The following MED30 variants were observed in gnomAD, a reference collection of about 807,000 sequenced individuals.
MED30 encodes the protein mediator of RNA polymerase II transcription subunit 30.
In MED30, 8 loss-of-function variants were observed where a neutral mutation model predicts 21.7. That is an observed-to-expected ratio of 0.37 (90% CI 0.22 to 0.67). The LOEUF (loss-of-function observed/expected upper bound fraction) is 0.67, where lower values mean the gene tolerates loss of function less well. Ranked by LOEUF, MED30 falls within the 30% of genes least tolerant of loss-of-function variation. MED30 has a pLI of 0.58. For missense variants in MED30, 203 were observed against 228.2 expected (o/e 0.89, Z 0.71); for synonymous variants, 79 against 86.7 (o/e 0.91, Z 0.49).
At chr8:117,531,201 T>G (rs1222473500) in intron 3 of MED30, among the ~76,000 whole-genome samples, 1 of 152,030 alleles carries the variant, frequency 6.6e-6, no homozygotes, top group Admixed American at 6.6e-5. Context: ...AATAAAAAAT[T>G]TAGAGAACTA....
At chr8:117,526,010 G>A (rs970069988) in intron 1 of MED30, among the ~76,000 whole-genome samples, 1 of 151,904 alleles carries the variant, frequency 6.6e-6, no homozygotes, top group Non-Finnish European at 1.5e-5. Flanking sequence ...CCAAGAACAT[G>A]CAGTATTCTT....
At chr8:117,534,815 G>T (rs1021009853) in intron 3 of MED30, among the ~76,000 whole-genome samples, 14 of 127,786 alleles carry the variant, frequency 1.1e-4, no homozygotes, top group African/African-American at 4.1e-4. Flanking sequence ...TAAGGAAGAA[G>T]AAAATAAAAT....
At chr8:117,527,403 C>T (rs1375253314) in intron 1 of MED30, among the ~76,000 whole-genome samples, 1 of 151,904 alleles carries the variant, frequency 6.6e-6, no homozygotes, top group African/African-American at 2.4e-5. Context: ...TAATATCACA[C>T]TTCAAATAAT....
intron 2 of MED30, among the ~76,000 whole-genome samples, chr8:117,530,210 A>G (rs1431456103): frequency 6.6e-6 from 1 of 152,002 alleles, no homozygotes; most frequent in Non-Finnish European, 1.5e-5. Flanking sequence ...AAGTTTGCAT[A>G]GACTCTGAAG....
At chr8:117,526,797 A>G (rs537416380) in intron 1 of MED30, among the ~76,000 whole-genome samples, 45 of 152,166 alleles carry the variant, frequency 3.0e-4, no homozygotes, top group African/African-American at 1.1e-3. Context: ...GTAAGTTTGG[A>G]TCTTAGATTT....
intron 1 of MED30, among the ~76,000 whole-genome samples, chr8:117,522,670 TC>T (rs1353865179): frequency 6.6e-6 from 1 of 151,202 alleles, no homozygotes; most frequent in Non-Finnish European, 1.5e-5. Flanking sequence ...ACTTTTTTTT[TC>T]GTCCTGATTA....
intron 3 of MED30, among the ~76,000 whole-genome samples, chr8:117,535,114 A>G (rs1165535373): frequency 6.6e-6 from 1 of 151,970 alleles, no homozygotes; most frequent in Non-Finnish European, 1.5e-5. Context: ...GTTTCCCTCA[A>G]ACAATTTTAT....
intron 1 of MED30, chr8:117,524,050 G>T (rs1040212418): frequency 5.7e-6 from 1 of 175,222 alleles, no homozygotes; most frequent in East Asian, 1.4e-4. Flanking sequence ...TTCTTCTTAA[G>T]CTTCAACATT....
intron 1 of MED30, among the ~76,000 whole-genome samples, chr8:117,524,338 GA>G (rs1563788307): frequency 6.6e-6 from 1 of 152,114 alleles, no homozygotes; most frequent in Non-Finnish European, 1.5e-5. Flanking sequence ...TGATCTACGA[GA>G]GTAAAGTGCT....
At chr8:117,522,660 A>G (rs1818648245) in intron 1 of MED30, among the ~76,000 whole-genome samples, 1 of 150,360 alleles carries the variant, frequency 6.7e-6, no homozygotes, top group Non-Finnish European at 1.5e-5. Flanking sequence ...ACTGGTCAAG[A>G]CTTTTTTTTT....
rs559043467 is a variant in MED30, at chr8:117,521,487, A to G, written c.177+434A>G. Among the ~76,000 whole-genome samples the G allele has an allele frequency of 3.3e-5, 5 of 152,252 alleles. No individual in the cohort carries two copies. In the South Asian group the frequency reaches 1.0e-3, roughly 32 times the overall value. ...AATATACAGTAAACTACACTCACCT[A>G]AAGTTTTGATATATATGTGTACTGT... is the stretch of plus-strand genomic sequence containing the variant. On this transcript the variant is annotated intron_variant, in intron 1 of 3. Transcript: ENST00000297347.
intron 3 of MED30, among the ~76,000 whole-genome samples, chr8:117,535,403 G>T (rs1818859181): frequency 2.0e-5 from 3 of 151,642 alleles, no homozygotes; most frequent in Non-Finnish European, 2.9e-5. Context: ...TAATTTTTTT[G>T]TGTTTTTAGT....
chr8:117,520,911 C>T lies in MED30; in HGVS notation c.35C>T (p.Ala12Val), dbSNP rs749093337. 5.0e-6 allele frequency: 8 copies of T among 1,607,926 alleles called. No individual in the cohort carries two copies. In the South Asian group the frequency reaches 7.7e-5, roughly 16 times the overall value. The change falls in exon 1 of 4, where the codon GCG becomes GTG. Residue 12 changes from alanine (A) to valine (V), a missense_variant. Coordinates refer to ENST00000297347, the MANE Select transcript of MED30 (RefSeq NM_080651.4). ...CCTCCGTTGGCCGCGTCGGGGATGG[C>T]GCCCGGGCCCTTCGCCGGGCCCCAG... ...STPPLAASGM[A>V]PGPFAGPQAQ...
chr8:117,539,293 G>C (rs1165964816), intron 3 of MED30, among the ~76,000 whole-genome samples: 1 of 152,116 alleles, frequency 6.6e-6, no homozygotes, highest in Non-Finnish European at 1.5e-5. Context: ...CAGGAGACCA[G>C]CCTGGCCAAC....
chr8:117,538,679 G>T (rs181040023), intron 3 of MED30, among the ~76,000 whole-genome samples: 2 of 152,234 alleles, frequency 1.3e-5, no homozygotes, highest in African/African-American at 4.8e-5. Flanking sequence ...CTGACCAGAA[G>T]TTCTCTATTT....
intron 2 of MED30, 113 bp from the exon 3 acceptor site, chr8:117,530,610 T>C: frequency 1.5e-6 from 1 of 684,424 alleles, no homozygotes. Context: ...TTGAAATTAT[T>C]TTTATACAAA....
intron 3 of MED30, among the ~76,000 whole-genome samples, chr8:117,532,702 A>C (rs1210221605): frequency 6.6e-6 from 1 of 152,126 alleles, no homozygotes; most frequent in African/African-American, 2.4e-5. Flanking sequence ...TAGATTTTAT[A>C]AAATAAAATT....
intron 1 of MED30, among the ~76,000 whole-genome samples, chr8:117,524,682 A>G (rs1473281229): frequency 6.6e-6 from 1 of 152,188 alleles, no homozygotes; most frequent in African/African-American, 2.4e-5. Context: ...TTTCCTTCCC[A>G]TTCCTATCTC....
At chr8:117,523,442 TAG>T in intron 1 of MED30, 1 of 1,573,112 alleles carries the variant, frequency 6.4e-7, no homozygotes, top group Non-Finnish European at 8.7e-7. Context: ...TCCAGACCTT[TAG>T]GCTGAGGCCT....
Sources: gnomAD v4.1 joint callset for allele counts (sites outside exome capture counted in the v4.1 genomes callset) on GRCh38, gnomAD v4.1.1 for gene constraint, MANE v1.5 for transcripts, NCBI Gene and HGNC (gene_info 2026-07-23, HGNC 2026-07-21) for gene names.